Variants in PDE4DIP observed in about 807,000 individuals in gnomAD.
PDE4DIP encodes the protein phosphodiesterase 4D interacting protein.
Under a neutral mutation model 221.4 loss-of-function variants are expected in PDE4DIP, and 59 were observed. That is an observed-to-expected ratio of 0.27 (90% confidence interval 0.22 to 0.33). The LOEUF is 0.33. Ranked by LOEUF, PDE4DIP falls within the 10% of genes least tolerant of loss-of-function variation. The pLI, the probability that PDE4DIP is intolerant of heterozygous loss-of-function variation, is 1.00. For missense variants in PDE4DIP, 1,036 were observed against 2,154.2 expected, an observed-to-expected ratio of 0.48 and a Z score of 10.28; for synonymous variants, 404 against 815.9, an observed-to-expected ratio of 0.50 and a Z score of 8.60.
In PDE4DIP at chr1:148,952,409, C is replaced by A. The variant is rs587702448; in HGVS notation, c.637-8245C>A. ...CCCCGAGGCTTTGCGTCTGCGCGGC[C>A]GGCCGCTGCTGCTCCGGGAGCCCAG... On this transcript the variant is annotated intron_variant, in intron 5 of 43. Coordinates refer to ENST00000369354, the Ensembl canonical transcript of PDE4DIP. The A allele has an allele frequency of 5.1e-4, 556 of 1,085,022 alleles. 7 individuals are homozygous for A. The East Asian group carries it at 0.025, about 49-fold the overall frequency. The allele number at this position is 1,085,022 out of a possible 1,614,324, so 67.2% of individuals were successfully genotyped here.
intron 23 of PDE4DIP, among the ~76,000 whole-genome samples, chr1:148,999,567 G>C (rs2065130029): frequency 6.6e-6 from 1 of 151,990 alleles, no homozygotes; most frequent in Non-Finnish European, 1.5e-5. Context: ...AAAAATTCTT[G>C]TGATTGTTCT....
chr1:148,999,448 G>A (rs1462952624), intron 23 of PDE4DIP, among the ~76,000 whole-genome samples: 2 of 152,136 alleles, frequency 1.3e-5, no homozygotes, highest in African/African-American at 4.8e-5. Flanking sequence ...GGAAACTCAG[G>A]CCTAGAAAGT....
intron 27 of PDE4DIP, chr1:149,006,594 A>G (rs1158754823): frequency 1.3e-5 from 2 of 151,732 alleles, no homozygotes; most frequent in African/African-American, 4.9e-5. Flanking sequence ...TCTATGTGAT[A>G]CTGGTGCTGT....
intron 37 of PDE4DIP, among the ~76,000 whole-genome samples, chr1:149,023,932 T>C (rs587727319): frequency 1.4e-5 from 2 of 147,374 alleles, no homozygotes; most frequent in East Asian, 4.1e-4. Flanking sequence ...CACACATATA[T>C]ATAGAGAGAG....
At chr1:149,031,470 G>C (rs2152832191) in intron 43 of PDE4DIP, among the ~76,000 whole-genome samples, 1 of 152,186 alleles carries the variant, frequency 6.6e-6, no homozygotes, top group South Asian at 2.1e-4. Context: ...GAGCTCTGAG[G>C]TCCCTGTGGA....
intron 1 of PDE4DIP, among the ~76,000 whole-genome samples, chr1:148,813,731 A>G (rs1667035203): frequency 8.7e-6 from 1 of 114,884 alleles, no homozygotes; most frequent in Non-Finnish European, 1.8e-5. Context: ...CATTTGAGTT[A>G]ACTTTTGTAT....
At chr1:148,975,520 T>G (rs2060004169) in intron 17 of PDE4DIP, among the ~76,000 whole-genome samples, 1 of 151,798 alleles carries the variant, frequency 6.6e-6, no homozygotes, top group Non-Finnish European at 1.5e-5. Context: ...CTTTTGTGAC[T>G]TCACATACTT....
At chr1:148,820,512 G>C (rs1213666738) in intron 1 of PDE4DIP, among the ~76,000 whole-genome samples, 2 of 140,424 alleles carry the variant, frequency 1.4e-5, no homozygotes, top group Admixed American at 1.4e-4. Flanking sequence ...AGGTTGCAGT[G>C]AGCCAGATCG....
chr1:148,981,233 C>G, intron 20 of PDE4DIP, 37 bp from the exon 24 acceptor site: 5 of 1,608,478 alleles, frequency 3.1e-6, no homozygotes, highest in Non-Finnish European at 4.2e-6. Context: ...CAGTTGATGG[C>G]TAATCCACTT....
At position 148,818,063 on chromosome 1, in the gene PDE4DIP, C is replaced by T. The variant is rs7533538; in HGVS notation, c.233+9326C>T. Among the ~76,000 whole-genome samples the T allele has an allele frequency of 4.1e-4, 62 of 150,064 alleles. 1 individual carries two copies. The highest frequency in any genetic ancestry group is 9.7e-4 in the East Asian group (5 of 5,172). Reference sequence around the variant, plus strand: ...AACTTCTGACCTCAGGTGATCTGCCCGCCTCCTCCCAAAGTGCTGGGATTA... The same window carrying T: ...AACTTCTGACCTCAGGTGATCTGCCTGCCTCCTCCCAAAGTGCTGGGATTA... On this transcript the variant is annotated intron_variant, in intron 1 of 45. Coordinates refer to the PDE4DIP transcript ENST00000524974.
rs3123385 is a variant in PDE4DIP at position 148,944,688 on chromosome 1, C to T, written c.636+6824C>T. ...GAGTTTGAGACCAGCCTGGCCAACA[C>T]GGTGAAACCCTGTCTCTACTAAGAA... On this transcript the variant is annotated intron_variant, in intron 5 of 43. Transcript: ENST00000369354. Among the ~76,000 whole-genome samples the T allele has an allele frequency of 5.8e-3, 831 of 142,648 alleles. 6 individuals carry two copies. The highest frequency in any genetic ancestry group is 0.021 in the African/African-American group (790 of 38,284). The allele number at this position is 142,648 out of a possible 152,430, so 93.6% of individuals were successfully genotyped here.
At chr1:148,994,616 GATTAAACCAAGCTA>G (rs1446220179) in intron 22 of PDE4DIP, among the ~76,000 whole-genome samples, 2 of 152,048 alleles carry the variant, frequency 1.3e-5, no homozygotes, top group Non-Finnish European at 2.9e-5. Flanking sequence ...AATATGGAAT[GATTAAACCAAGCTA>G]ATTACATATT....
At chr1:148,963,360 G>C (rs138611515) in intron 9 of PDE4DIP, among the ~76,000 whole-genome samples, 1 of 152,182 alleles carries the variant, frequency 6.6e-6, no homozygotes, top group African/African-American at 2.4e-5. Context: ...GGCGACTGCC[G>C]TATTGAGTTG....
intron 1 of PDE4DIP, among the ~76,000 whole-genome samples, chr1:148,901,383 C>T (rs1374107603): frequency 2.6e-5 from 2 of 76,156 alleles, no homozygotes; most frequent in African/African-American, 5.6e-5. Context: ...TGGTACATGC[C>T]GTTCTGTGGA....
intron 37 of PDE4DIP, among the ~76,000 whole-genome samples, chr1:149,023,687 T>C (rs2073962468): frequency 9.5e-6 from 1 of 105,686 alleles, no homozygotes; most frequent in African/African-American, 3.6e-5. Context: ...TGTACATGTA[T>C]ATGTGTGCAC....
At chr1:148,963,697 G>A (rs1355037647) in intron 9 of PDE4DIP, among the ~76,000 whole-genome samples, 3 of 150,280 alleles carry the variant, frequency 2.0e-5, no homozygotes, top group Non-Finnish European at 3.0e-5. Flanking sequence ...ATAAATATAC[G>A]ATTCTTTTCT....
chr1:148,961,868 A>C (rs587751928), exon 7 of PDE4DIP: 1 of 1,583,844 alleles, frequency 6.3e-7, no homozygotes, highest in Non-Finnish European at 8.7e-7. Flanking sequence ...GAAATGAGCT[A>C]TGAACTAAAG....
At chr1:148,981,311 C>T in exon 21 of PDE4DIP, 2 of 1,613,882 alleles carry the variant, frequency 1.2e-6, no homozygotes, top group Admixed American at 1.7e-5. Context: ...CTGGAAGGGG[C>T]TCAGGTGTTA....
chr1:148,950,743 G>GCC (rs587768259), intron 5 of PDE4DIP, among the ~76,000 whole-genome samples: 2 of 150,102 alleles, frequency 1.3e-5, no homozygotes, highest in African/African-American at 4.9e-5. Context: ...TGAGGGATCT[G>GCC]CCCCCCCCAC....
Sources: allele counts gnomAD v4.1 joint callset (sites outside exome capture counted in the v4.1 genomes callset), GRCh38; gene constraint gnomAD v4.1.1; transcripts MANE v1.5; gene names NCBI Gene and HGNC (gene_info 2026-07-23, HGNC 2026-07-21).